PLCB2: variants seen among roughly 807,000 people sequenced by gnomAD.
PLCB2 encodes the protein phospholipase C beta 2.
PLCB2 carries 115 observed loss-of-function variants against 141.7 expected under a neutral mutation model. That is an observed-to-expected ratio of 0.81 (90% CI 0.70 to 0.95). PLCB2 has a LOEUF of 0.95. Ranked by LOEUF, PLCB2 falls within the 40% of genes least tolerant of loss-of-function variation. PLCB2 has a pLI of 0.00. For missense variants in PLCB2, 1,403 were observed against 1,541.1 expected, an observed-to-expected ratio of 0.91 and a Z score of 1.50; for synonymous variants, 603 against 595.6, an observed-to-expected ratio of 1.01 and a Z score of -0.18.
chr15:40,303,940 G>A (rs2040659248), intron 2 of PLCB2, 61 bp downstream of exon 2: 1 of 1,185,276 alleles, frequency 8.4e-7, no homozygotes, highest in African/African-American at 1.5e-5. Context: ...GCAGCCAGGG[G>A]GCTGTCTGGC....
rs2141079561 is a variant in PLCB2 at position 40,294,322 on chromosome 15, T to C, written c.2005A>G (p.Asn669Asp). ...TCGATGCGGTCCACTGAGAAGGGGT[T>C]GAACTGCTTGTCCGGCCGGCGCATG... ...EFMRRPDKQF[N>D]PFSVDRIDVV... The change falls in exon 19 of 32, where the codon AAC becomes GAC. Residue 669 changes from asparagine (N) to aspartate (D), a missense_variant. Around this residue, in one of 4 missense-constraint regions of PLCB2, gnomAD observed 975 missense variants for 1,141.1 expected, o/e 0.85. Transcript: ENST00000260402. 1.2e-6 allele frequency: 2 copies of C among 1,614,070 alleles called. No individual in the cohort carries two copies. Among genetic ancestry groups the C allele is most frequent in the Admixed American group, 3.3e-5 (2 of 60,024 alleles).
chr15:40,289,054 G>T, intron 31 of PLCB2, 136 bp from the exon 32 acceptor site: 2 of 1,344,338 alleles, frequency 1.5e-6, no homozygotes, highest in Non-Finnish European at 2.0e-6. Context: ...AGGCAGGGTG[G>T]GGGAGTGGTA....
intron 1 of PLCB2, among the ~76,000 whole-genome samples, chr15:40,306,404 C>T (rs2040798516): frequency 6.6e-6 from 1 of 152,140 alleles, no homozygotes; most frequent in Non-Finnish European, 1.5e-5. Context: ...TGGCCACCAA[C>T]CCCCGACCTC....
rs2040280370 is a variant in PLCB2 at position 40,297,441 on chromosome 15, C to T, written c.1323+80G>A. On this transcript the variant is annotated intron_variant, in intron 13 of 31. Transcript: ENST00000260402. This position sits in a 1 kb window ranked among gnomAD's most constrained non-coding sequence, Gnocchi z 4.2. ...GAACCCTAGCATCCTCTGGGAGTGT[C>T]TCCCTCCCTAACCTGGTTCTCACCC... 1.3e-5 allele frequency: 14 copies of T among 1,043,484 alleles called. No individual in the cohort carries two copies. The highest frequency in any genetic ancestry group is 2.0e-5 in the Non-Finnish European group (13 of 661,566). The allele number at this position is 1,043,484 out of a possible 1,614,324, so 64.6% of individuals were successfully genotyped here.
At position 40,307,687 on chromosome 15, in the gene PLCB2, C is replaced by T; in HGVS notation, c.-15G>A. On this transcript the variant is annotated 5_prime_UTR_variant, in exon 1 of 32. Transcript: ENST00000260402. ...AGCAGAGACATGGTGCCAAGCGTTCCTCTTTGCAGAATCTCAGCAGACACA... is the reference window on the plus strand; with the variant it reads ...AGCAGAGACATGGTGCCAAGCGTTCTTCTTTGCAGAATCTCAGCAGACACA... 1 of 1,543,438 alleles carries T rather than the reference C, an allele frequency of 6.5e-7. No individual in the cohort carries two copies. The highest frequency in any genetic ancestry group is 2.5e-5 in the East Asian group (1 of 40,652).
rs189784842 is a variant in PLCB2 at position 40,295,276 on chromosome 15, C to T, written c.1706G>A (p.Arg569Gln). 21 of 1,612,400 alleles carry T rather than the reference C, an allele frequency of 1.3e-5. No individual in the cohort carries two copies. In the Middle Eastern group the frequency reaches 5.0e-4, roughly 38 times the overall value. Residue 569 changes from arginine (R) to glutamine (Q), a missense_variant, in exon 17 of 32, where the codon CGA becomes CAA. This residue lies in a region of PLCB2 where 975 missense variants were observed against 1,141.1 expected (regional missense o/e 0.85). Transcript: ENST00000260402. ...VSFEFSAQKN[R>Q]SYVISSFTEL... ...TGTGAAGGACGAGATGACATAACTT[C>T]GGTTCTTTTCTATATAGGGGAGAAA... is the stretch of plus-strand genomic sequence containing the variant.
rs766851112 is a variant in PLCB2 at position 40,295,192 on chromosome 15, C to T, written c.1781+9G>A. 3 of 1,613,208 alleles carry T rather than the reference C, an allele frequency of 1.9e-6. No individual in the cohort carries two copies. In the South Asian group the frequency reaches 3.3e-5, roughly 18 times the overall value. On this transcript the variant is annotated intron_variant, in intron 17 of 31. Coordinates refer to ENST00000260402, the MANE Select transcript of PLCB2 (RefSeq NM_004573.3). ...CCAAGGACCCTGGCCACTGAAACCT[C>T]AAGGATACTCCACAAACTGCACCGA... is the stretch of plus-strand genomic sequence containing the variant.
chr15:40,288,634 T>C lies in PLCB2; in HGVS notation c.*81A>G. On this transcript the variant is annotated 3_prime_UTR_variant, in exon 32 of 32. Coordinates refer to ENST00000260402, the MANE Select transcript of PLCB2 (RefSeq NM_004573.3). The stretch of plus-strand genomic sequence containing the variant: ...TCCCACAGCCTCAGAAGGCTGGGGC[T>C]CCTTTTTCCTGGGGGAATAGAACCA... 6 of 1,440,952 alleles carry C rather than the reference T, an allele frequency of 4.2e-6. No individual in the cohort carries two copies. Among genetic ancestry groups the C allele is most frequent in the Non-Finnish European group, 5.5e-6 (6 of 1,095,898 alleles). The allele number at this position is 1,440,952 out of a possible 1,614,324, so 89.3% of individuals were successfully genotyped here. A position where few individuals can be genotyped will look rare whatever the true frequency, so the allele number is the denominator to read the frequency against.
downstream of PLCB2, among the ~76,000 whole-genome samples, chr15:40,284,836 CAAAAAAAAAAAAAAAA>C (rs56397946): frequency 1.2e-4 from 9 of 74,880 alleles, no homozygotes; most frequent in African/African-American, 2.7e-4. Context: ...GAGACTCCGT[CAAAAAAAAAAAAAAAA>C]AAAAAAAAAA....
chr15:40,288,587 A>G lies in PLCB2; in HGVS notation c.*128T>C. 7.1e-7 allele frequency: 1 copy of G among 1,406,524 alleles called. No homozygotes were observed. Among genetic ancestry groups the G allele is most frequent in the African/African-American group, 1.4e-5 (1 of 69,396 alleles). The allele number at this position is 1,406,524 out of a possible 1,614,324, so 87.1% of individuals were successfully genotyped here. On this transcript the variant is annotated 3_prime_UTR_variant, in exon 32 of 32. Coordinates refer to ENST00000260402, the MANE Select transcript of PLCB2 (RefSeq NM_004573.3). ...GCCTGGCCGTTGAGGAGGGGGCTGC[A>G]GCGTCCAAGGCAGCCACAGGTTCCC... is the stretch of plus-strand genomic sequence containing the variant.
In PLCB2 at chr15:40,290,621, G is replaced by C. The variant is rs1216423010; in HGVS notation, c.3165C>G (p.Ile1055Met). 6.2e-7 allele frequency: 1 copy of C among 1,614,152 alleles called. No homozygotes were observed. The highest frequency in any genetic ancestry group is 1.1e-5 in the South Asian group (1 of 91,084). The part of the protein sequence containing the change: ...KKLETKRLER[I>M]QGMTKVTTDK... The stretch of plus-strand genomic sequence containing the variant: ...CTGTGGTGACTTTGGTCATGCCCTG[G>C]ATCCGCTCCAGTCTCTTTGTCTCCA... Residue 1055 changes from isoleucine (I) to methionine (M), a missense_variant, in exon 29 of 32, where the codon ATC (isoleucine) becomes ATG (methionine). Ile to Met is a conservative substitution (Grantham distance 10). Coordinates refer to ENST00000260402, the MANE Select transcript of PLCB2 (RefSeq NM_004573.3).
intron 24 of PLCB2, 98 bp from the exon 25 acceptor site, chr15:40,291,748 C>T: frequency 6.2e-7 from 1 of 1,602,240 alleles, no homozygotes. Flanking sequence ...AGTATGTGCC[C>T]CCTGCCCCGC....
At chr15:40,284,799 C>A (rs2039585915), downstream of PLCB2, among the ~76,000 whole-genome samples, 1 of 134,474 alleles carries the variant, frequency 7.4e-6, no homozygotes. Flanking sequence ...GAGATCACGC[C>A]ACTGCACTCC....
chr15:40,289,635 G>C, intron 30 of PLCB2: 1 of 536,012 alleles, frequency 1.9e-6, no homozygotes, highest in Non-Finnish European at 3.3e-6. Flanking sequence ...ATCCCTAGGG[G>C]AGCTTCAGGT....
At chr15:40,285,648 A>C (rs2039600168), downstream of PLCB2, 1 of 985,216 alleles carries the variant, frequency 1.0e-6, no homozygotes. Flanking sequence ...TTTACTCAGC[A>C]GAAGAAAGGC....
chr15:40,307,657 G>A lies in PLCB2; in HGVS notation c.16C>T (p.Pro6Ser). MSLLN[P>S]VLLPPKVKAY... ...TTCACCTTGGGGGGCAGCAGGACAGGGTTGAGCAGAGACATGGTGCCAAGC... is the reference window on the plus strand; with the variant it reads ...TTCACCTTGGGGGGCAGCAGGACAGAGTTGAGCAGAGACATGGTGCCAAGC... Residue 6 changes from proline to serine, a missense_variant, in exon 1 of 32, where the codon CCT becomes TCT. This residue lies in a region of PLCB2 where 975 missense variants were observed against 1,141.1 expected (regional missense o/e 0.85). Transcript: ENST00000260402. 1.9e-6 allele frequency: 3 copies of A among 1,571,714 alleles called. No homozygotes were observed. The highest frequency in any genetic ancestry group is 2.3e-5 in the South Asian group (2 of 85,634).
chr15:40,292,357 T>G lies in PLCB2; in HGVS notation c.2413A>C (p.Ile805Leu). 6.2e-7 allele frequency: 1 copy of G among 1,612,754 alleles called. No homozygotes were observed. The highest frequency in any genetic ancestry group is 1.1e-5 in the South Asian group (1 of 91,032). ...LFIFLEMKDYIPGAWADLTVA... is the reference protein window; with the variant it reads ...LFIFLEMKDYLPGAWADLTVA... ...CTCCTACCTGCCCAAGCACCAGGTA[T>G]GTAGTCCTTCATCTCCAGGAAGATG... is the stretch of plus-strand genomic sequence containing the variant. The change falls in exon 22 of 32, where the codon ATA becomes CTA. Residue 805 changes from isoleucine to leucine, a missense_variant. By Grantham distance (5) the Ile-to-Leu change is conservative. Coordinates refer to ENST00000260402, the MANE Select transcript of PLCB2 (RefSeq NM_004573.3).
In PLCB2 at chr15:40,288,370, G is replaced by T; in HGVS notation, c.*345C>A. 9.6e-7 allele frequency: 1 copy of T among 1,043,914 alleles called. No homozygotes were observed. Among genetic ancestry groups the T allele is most frequent in the Non-Finnish European group, 1.2e-6 (1 of 867,314 alleles). 64.7% of individuals were successfully genotyped at this position (1,043,914 alleles called of 1,614,324 possible). A position where few individuals can be genotyped will look rare whatever the true frequency, so the allele number is the denominator to read the frequency against. On this transcript the variant is annotated 3_prime_UTR_variant, in exon 32 of 32. Coordinates refer to ENST00000260402, the MANE Select transcript of PLCB2 (RefSeq NM_004573.3). ...AGGTGAGGAAACTGAGCCCAGAGCTGGTTGCTCAATAGGAAAGGCAGAGTG... is the reference window on the plus strand; with the variant it reads ...AGGTGAGGAAACTGAGCCCAGAGCTTGTTGCTCAATAGGAAAGGCAGAGTG...
rs2040614501 is a variant in PLCB2, at chr15:40,303,268, C to T, written c.231+20G>A. On this transcript the variant is annotated intron_variant, in intron 3 of 31. Transcript: ENST00000260402. Reference sequence around the variant, plus strand: ...GCTAGTAGCTGTGCTTGAGCCTGGGCTGCTACTGGACACACCTACCTTGGG... The same window carrying T: ...GCTAGTAGCTGTGCTTGAGCCTGGGTTGCTACTGGACACACCTACCTTGGG... The T allele has an allele frequency of 6.3e-7, 1 of 1,589,238 alleles. No individual in the cohort carries two copies. Among genetic ancestry groups the T allele is most frequent in the Middle Eastern group, 1.7e-4 (1 of 6,020 alleles).
Sources: allele counts gnomAD v4.1 joint callset (sites outside exome capture counted in the v4.1 genomes callset), GRCh38; gene constraint gnomAD v4.1.1; regional missense constraint gnomAD v4.1.1; non-coding constraint Gnocchi (gnomAD v3.1); transcripts MANE v1.5; gene names NCBI Gene and HGNC (gene_info 2026-07-23, HGNC 2026-07-21).